Variants in ROBO2 observed in about 807,000 individuals in gnomAD.
ROBO2 encodes the protein roundabout homolog 2.
Under a neutral mutation model 160.8 loss-of-function variants are expected in ROBO2, and 53 were observed. That is an observed-to-expected ratio of 0.33 (90% CI 0.26 to 0.41). The LOEUF is 0.41. Among genes scored for constraint, ROBO2 ranks in the 10% least tolerant of loss-of-function variants. The pLI, the probability that ROBO2 is intolerant of heterozygous loss-of-function variation, is 1.00. For synonymous variants in ROBO2, 664 were observed against 611.7 expected, an observed-to-expected ratio of 1.09 and a Z score of -1.26; for missense variants, 1,577 against 1,722.4, an observed-to-expected ratio of 0.92 and a Z score of 1.49.
At chr3:76,501,439 G>A (rs574978102) in intron 2 of ROBO2, among the ~76,000 whole-genome samples, 12 of 152,286 alleles carry the variant, frequency 7.9e-5, no homozygotes, top group African/African-American at 2.9e-4. Flanking sequence ...ATATAAATAA[G>A]TTTTCAAATA....
At chr3:76,166,365 A>G (rs1458850730) in intron 2 of ROBO2, among the ~76,000 whole-genome samples, 1 of 152,126 alleles carries the variant, frequency 6.6e-6, no homozygotes, top group African/African-American at 2.4e-5. Context: ...AGGCTTTAAT[A>G]TGTTCATTTT....
At chr3:77,082,721 C>T (rs1187174576) in intron 1 of ROBO2, among the ~76,000 whole-genome samples, 1 of 146,016 alleles carries the variant, frequency 6.8e-6, no homozygotes, top group Admixed American at 6.8e-5. Context: ...TATATATATA[C>T]ACACACAATA....
At chr3:76,324,129 T>C (rs971331868) in intron 2 of ROBO2, among the ~76,000 whole-genome samples, 1 of 152,202 alleles carries the variant, frequency 6.6e-6, no homozygotes, top group Non-Finnish European at 1.5e-5. Flanking sequence ...GTCTTTTTTC[T>C]TTCCTCTCCT....
intron 2 of ROBO2, among the ~76,000 whole-genome samples, chr3:76,740,933 T>G (rs1233636427): frequency 2.0e-5 from 3 of 152,106 alleles, no homozygotes; most frequent in Non-Finnish European, 4.4e-5. Context: ...ATCAATTTAC[T>G]TGCCTTATCT....
intron 2 of ROBO2, among the ~76,000 whole-genome samples, chr3:76,764,848 C>A (rs2061490323): frequency 2.6e-5 from 4 of 151,680 alleles, no homozygotes; most frequent in South Asian, 2.1e-4. Context: ...CTATTTCCAA[C>A]TCTATGCATA....
intron 2 of ROBO2, among the ~76,000 whole-genome samples, chr3:77,175,675 T>C (rs985976781): frequency 2.0e-5 from 3 of 151,892 alleles, no homozygotes; most frequent in African/African-American, 7.3e-5. Flanking sequence ...TTAGGTAGCA[T>C]TTACAGGATT....
At chr3:77,254,366 C>T (rs1233673409) in intron 2 of ROBO2, among the ~76,000 whole-genome samples, 1 of 151,976 alleles carries the variant, frequency 6.6e-6, no homozygotes, top group African/African-American at 2.4e-5. Context: ...CCTAATTTGT[C>T]TAATGCAGTA....
At chr3:76,178,645 C>G (rs536342494) in intron 2 of ROBO2, among the ~76,000 whole-genome samples, 1 of 152,196 alleles carries the variant, frequency 6.6e-6, no homozygotes, top group South Asian at 2.1e-4. Context: ...AAAATACTAA[C>G]ACATAAAAAA....
At chr3:77,194,397 T>C (rs1440274758) in intron 2 of ROBO2, among the ~76,000 whole-genome samples, 2 of 152,208 alleles carry the variant, frequency 1.3e-5, no homozygotes, top group Non-Finnish European at 2.9e-5. Context: ...CTCCTTTCTT[T>C]GGCTGTTACT....
At chr3:76,092,360 A>G (rs758759160) in intron 2 of ROBO2, among the ~76,000 whole-genome samples, 9 of 152,178 alleles carry the variant, frequency 5.9e-5, no homozygotes, top group African/African-American at 1.2e-4. Context: ...AAAAAATCCA[A>G]TGCTTCCTTT....
intron 2 of ROBO2, among the ~76,000 whole-genome samples, chr3:76,382,156 C>T (rs534604811): frequency 1.3e-5 from 2 of 152,190 alleles, no homozygotes; most frequent in Admixed American, 6.5e-5. Flanking sequence ...TTGGTAGAAA[C>T]GAGGTTTTGC....
At chr3:76,351,620 ACAT>A (rs1331142442) in intron 2 of ROBO2, among the ~76,000 whole-genome samples, 2 of 152,026 alleles carry the variant, frequency 1.3e-5, no homozygotes, top group Non-Finnish European at 2.9e-5. Flanking sequence ...TCAACTGAGA[ACAT>A]CAATATTTCA....
At chr3:75,995,624 G>A (rs1173990254) in intron 2 of ROBO2, among the ~76,000 whole-genome samples, 1 of 152,088 alleles carries the variant, frequency 6.6e-6, no homozygotes, top group East Asian at 1.9e-4. Flanking sequence ...ACTGCCTAGT[G>A]GAGCTGTGAG....
chr3:77,092,879 A>G (rs1055971045), intron 1 of ROBO2, among the ~76,000 whole-genome samples: 1 of 151,170 alleles, frequency 6.6e-6, no homozygotes, highest in African/African-American at 2.4e-5. Flanking sequence ...TGTAGAAGAG[A>G]TATTTATAAA....
chr3:76,119,912 CCCTCCCTTCCTTCCTT>C (rs1246143349), intron 2 of ROBO2, among the ~76,000 whole-genome samples: 9 of 84,900 alleles, frequency 1.1e-4, no homozygotes, highest in Admixed American at 4.7e-4. Flanking sequence ...TTCCTTCCCT[CCCTCCCTTCCTTCCTT>C]CCTTCCTTCC....
chr3:77,168,455 T>C (rs1266226507), intron 2 of ROBO2, among the ~76,000 whole-genome samples: 1 of 152,206 alleles, frequency 6.6e-6, no homozygotes, highest in Non-Finnish European at 1.5e-5. Context: ...GAATAGGAAA[T>C]AAGAAGTCTG....
At chr3:76,954,885 T>C (rs2079156331) in intron 2 of ROBO2, among the ~76,000 whole-genome samples, 1 of 152,206 alleles carries the variant, frequency 6.6e-6, no homozygotes, top group African/African-American at 2.4e-5. Flanking sequence ...AGAACATCCT[T>C]TCAATCATTT....
At chr3:76,434,031 A>G in intron 2 of ROBO2, 2 of 1,232,160 alleles carry the variant, frequency 1.6e-6, no homozygotes, top group Non-Finnish European at 2.4e-6. Context: ...GCTGACATGC[A>G]AAATCTGGTA....
intron 4 of ROBO2, among the ~76,000 whole-genome samples, chr3:77,483,910 A>G (rs755933921): frequency 1.1e-4 from 16 of 151,688 alleles, no homozygotes; most frequent in Admixed American, 3.3e-4. Flanking sequence ...ACATATTGCT[A>G]GGAAAAAGAA....
Sources: gnomAD v4.1 joint callset for allele counts (sites outside exome capture counted in the v4.1 genomes callset) on GRCh38, gnomAD v4.1.1 for gene constraint, MANE v1.5 for transcripts, NCBI Gene and HGNC (gene_info 2026-07-23, HGNC 2026-07-21) for gene names.